FYCO1: variants seen among roughly 807,000 people sequenced by gnomAD.
The protein encoded by FYCO1 is FYVE and coiled-coil domain-containing protein 1.
FYCO1 carries 122 observed loss-of-function variants against 165.1 expected under a neutral mutation model. The observed-to-expected ratio is 0.74, with a 90% CI of 0.64 to 0.86. FYCO1 has a LOEUF of 0.86. Among genes scored for constraint, FYCO1 ranks in the 40% least tolerant of loss-of-function variants. The pLI is 0.00. For missense variants in FYCO1, 1,702 were observed against 1,810.3 expected (o/e 0.94, Z 1.09); for synonymous variants, 648 against 742.5 (o/e 0.87, Z 2.07).
rs1248426826 is a variant in FYCO1 at position 45,918,861 on chromosome 3, C to A, written c.*2904G>T. On this transcript the variant is annotated 3_prime_UTR_variant, in exon 18 of 18. Transcript: ENST00000296137. ...CACCTGGAATCCAGTGTGTTGAGGT[C>A]AAGCACTCTGTAGAGTCCACTTGGA... 6.6e-6 allele frequency: 1 copy of A among 152,174 alleles called. No individual in the cohort carries two copies. Among genetic ancestry groups the A allele is most frequent in the Non-Finnish European group, 1.5e-5 (1 of 68,030 alleles). The allele number at this position is 152,174 out of a possible 1,614,324, so 9.4% of individuals were successfully genotyped here. A position where few individuals can be genotyped will look rare whatever the true frequency, so the allele number is the denominator to read the frequency against.
chr3:45,955,746 C>T (rs1355376435), intron 13 of FYCO1, among the ~76,000 whole-genome samples: 1 of 152,252 alleles, frequency 6.6e-6, no homozygotes, highest in Non-Finnish European at 1.5e-5. Flanking sequence ...AGAAAACACA[C>T]TTCTATGCCA....
At chr3:45,963,791 C>T (rs1185432469) in intron 10 of FYCO1, among the ~76,000 whole-genome samples, 1 of 152,208 alleles carries the variant, frequency 6.6e-6, no homozygotes, top group African/African-American at 2.4e-5. Context: ...GTCAAGGAGG[C>T]CTTGGGTGGC....
chr3:45,953,305 A>T (rs1455412682), intron 14 of FYCO1, among the ~76,000 whole-genome samples: 5 of 152,174 alleles, frequency 3.3e-5, no homozygotes, highest in Non-Finnish European at 7.4e-5. Flanking sequence ...AAATGTCCTT[A>T]ACCAGAGGGA....
At chr3:45,924,150 T>A (rs1381910078) in intron 16 of FYCO1, among the ~76,000 whole-genome samples, 1 of 152,186 alleles carries the variant, frequency 6.6e-6, no homozygotes, top group East Asian at 1.9e-4. Context: ...GGTGCTGCCC[T>A]TGGGTCTCGC....
In FYCO1 at chr3:45,968,381, C is replaced by T; in HGVS notation, c.953G>A (p.Cys318Tyr). 5 of 1,613,674 alleles carry T rather than the reference C, an allele frequency of 3.1e-6. No homozygotes were observed. The highest frequency in any genetic ancestry group is 4.2e-6 in the Non-Finnish European group (5 of 1,179,932). The change falls in exon 8 of 18, where the codon TGC becomes TAC. Residue 318 changes from cysteine to tyrosine, a missense_variant. Transcript: ENST00000296137. ...TGCTCCTAGCTCCAGGCCCTGCAGG[C>T]ATGTCTGCAGCTCCTTCACAGTGTT... ...TQNTVKELQTCLQGLELGAAE... is the reference protein window; with the variant it reads ...TQNTVKELQTYLQGLELGAAE...
At chr3:45,936,569 G>A (rs915071195) in intron 14 of FYCO1, 26 bp from the exon 15 acceptor site, 12 of 1,499,988 alleles carry the variant, frequency 8.0e-6, no homozygotes, top group Non-Finnish European at 1.1e-5. Flanking sequence ...TGAGAACACA[G>A]TCATTTAGCT....
intron 16 of FYCO1, 138 bp downstream of exon 16, chr3:45,930,933 G>T: frequency 1.2e-6 from 1 of 817,312 alleles, no homozygotes; most frequent in Non-Finnish European, 2.1e-6. Flanking sequence ...TGCCTTCTCT[G>T]CATGATACTG....
At chr3:45,965,476 A>G (rs1482792537) in intron 8 of FYCO1, among the ~76,000 whole-genome samples, 3 of 152,126 alleles carry the variant, frequency 2.0e-5, no homozygotes, top group Admixed American at 2.0e-4. Flanking sequence ...GAGTGCACAG[A>G]CCTTGATGCA....
chr3:45,959,328 AG>A, intron 12 of FYCO1, 64 bp downstream of exon 12: 1 of 1,564,284 alleles, frequency 6.4e-7, no homozygotes, highest in Non-Finnish European at 8.8e-7. Context: ...CCTCTTTTGG[AG>A]CTGTCTGCTC....
intron 11 of FYCO1, among the ~76,000 whole-genome samples, chr3:45,961,910 C>G (rs1412395529): frequency 1.3e-5 from 2 of 152,222 alleles, no homozygotes; most frequent in Non-Finnish European, 2.9e-5. Flanking sequence ...TCCACCTTCT[C>G]TCAAGAAGTA....
At chr3:45,981,470 C>T in intron 3 of FYCO1, 100 bp downstream of exon 3, 2 of 789,402 alleles carry the variant, frequency 2.5e-6, no homozygotes, top group Admixed American at 2.0e-5. Flanking sequence ...CTTACTGGCT[C>T]CTTGGGCTTT....
chr3:45,974,440 T>C (rs965899407), intron 5 of FYCO1, among the ~76,000 whole-genome samples: 2 of 152,206 alleles, frequency 1.3e-5, no homozygotes, highest in African/African-American at 4.8e-5. Context: ...ATGCAAACTT[T>C]TTCAGCTCAC....
At chr3:45,923,622 G>A in intron 17 of FYCO1, 34 bp downstream of exon 17, 1 of 1,307,562 alleles carries the variant, frequency 7.6e-7, no homozygotes, top group South Asian at 1.2e-5. Context: ...AGAGAGGCCT[G>A]GAGACGTGGA....
chr3:45,954,526 T>C (rs751336284), intron 14 of FYCO1, among the ~76,000 whole-genome samples: 2 of 151,980 alleles, frequency 1.3e-5, no homozygotes, highest in Non-Finnish European at 1.5e-5. Flanking sequence ...GAGCAAGGCT[T>C]TTAAAGAGCA....
intron 1 of FYCO1, among the ~76,000 whole-genome samples, chr3:45,991,620 G>A (rs1227794633): frequency 6.6e-6 from 1 of 152,194 alleles, no homozygotes; most frequent in Non-Finnish European, 1.5e-5. Flanking sequence ...CTCCAGTCTC[G>A]CTGGGTTTGG....
chr3:45,977,392 TATATATATATATATAA>T (rs1706823570), intron 4 of FYCO1, among the ~76,000 whole-genome samples: 2 of 45,712 alleles, frequency 4.4e-5, no homozygotes, highest in African/African-American at 1.0e-4. Flanking sequence ...TATATATATA[TATATATATATATATAA>T]AGGGAACTAT....
At position 45,992,513 on chromosome 3, in the gene FYCO1, A is replaced by G. The variant is rs191572055; in HGVS notation, c.-113+3209T>C. Reference sequence around the variant, plus strand: ...TGAACTTTCCATTATGTATTATGCAACAAAGATCATGCCATGGTTGGGTGA... The same window carrying G: ...TGAACTTTCCATTATGTATTATGCAGCAAAGATCATGCCATGGTTGGGTGA... On this transcript the variant is annotated intron_variant, in intron 1 of 17. Coordinates refer to ENST00000296137, the MANE Select transcript of FYCO1 (RefSeq NM_024513.4). Among the ~76,000 whole-genome samples, 12 of 152,368 alleles carry G rather than the reference A, an allele frequency of 7.9e-5. No individual in the cohort carries two copies. In the East Asian group the frequency reaches 2.3e-3, roughly 29 times the overall value.
chr3:45,919,562 T>C lies in FYCO1; in HGVS notation c.*2203A>G, dbSNP rs1361155252. 6.6e-6 allele frequency: 1 copy of C among 152,152 alleles called. No homozygotes were observed. Among genetic ancestry groups the C allele is most frequent in the Non-Finnish European group, 1.5e-5 (1 of 68,052 alleles). The allele number at this position is 152,152 out of a possible 1,614,324, so 9.4% of individuals were successfully genotyped here. ...ACCGGTCCTCTGCTGTGGAGTGACA[T>C]GTTCAGGAAGGACCTCAGATGGAAT... On this transcript the variant is annotated 3_prime_UTR_variant, in exon 18 of 18. Transcript: ENST00000296137.
At chr3:45,960,716 T>G (rs1705655902) in intron 11 of FYCO1, among the ~76,000 whole-genome samples, 1 of 152,236 alleles carries the variant, frequency 6.6e-6, no homozygotes, top group African/African-American at 2.4e-5. Context: ...ATGGTGCTGC[T>G]AACATCACAA....
Sources: gnomAD v4.1 joint callset for allele counts (sites outside exome capture counted in the v4.1 genomes callset) on GRCh38, gnomAD v4.1.1 for gene constraint, MANE v1.5 for transcripts, NCBI Gene and HGNC (gene_info 2026-07-23, HGNC 2026-07-21) for gene names.